CEP112: variants seen among roughly 807,000 people sequenced by gnomAD.
CEP112 encodes centrosomal protein of 112 kDa.
Under a neutral mutation model 153.0 loss-of-function variants are expected in CEP112, and 127 were observed. The observed-to-expected ratio is 0.83, with a 90% CI of 0.72 to 0.96. CEP112 has a LOEUF of 0.96. Ranked by LOEUF, CEP112 falls within the 40% of genes least tolerant of loss-of-function variation. The probability of loss-of-function intolerance (pLI) is 0.00; values close to 1 mark genes in which losing one functional copy is unlikely to be tolerated. For missense variants in CEP112, 1,089 were observed against 1,101.2 expected, an observed-to-expected ratio of 0.99 and a Z score of 0.16; for synonymous variants, 358 against 374.4, an observed-to-expected ratio of 0.96 and a Z score of 0.51.
intron 23 of CEP112, among the ~76,000 whole-genome samples, chr17:65,694,333 A>G (rs1030450460): frequency 6.6e-6 from 1 of 152,190 alleles, no homozygotes; most frequent in Non-Finnish European, 1.5e-5. Flanking sequence ...TAGCCAAAAG[A>G]AAGTTCCAAA....
chr17:65,941,566 C>T (rs1204128742), intron 18 of CEP112: 1 of 152,130 alleles, frequency 6.6e-6, no homozygotes, highest in Admixed American at 6.5e-5. Context: ...CATAGATACA[C>T]AACATTCTGC....
chr17:65,863,615 C>T (rs1229509905), intron 20 of CEP112, among the ~76,000 whole-genome samples: 4 of 150,470 alleles, frequency 2.7e-5, no homozygotes, highest in African/African-American at 7.3e-5. Flanking sequence ...AAAAATTAGC[C>T]GGGTGCAGTG....
intron 2 of CEP112, among the ~76,000 whole-genome samples, chr17:66,178,277 C>A (rs1443188071): frequency 6.6e-6 from 1 of 152,174 alleles, no homozygotes; most frequent in Non-Finnish European, 1.5e-5. Context: ...GAAATAATAT[C>A]TCACTGCAGT....
chr17:66,098,934 G>C (rs966462841), intron 6 of CEP112, among the ~76,000 whole-genome samples: 1 of 152,296 alleles, frequency 6.6e-6, no homozygotes, highest in East Asian at 1.9e-4. Flanking sequence ...CCTAGTAGTG[G>C]TGGAACTAAA....
At chr17:65,867,707 G>T (rs2058530791) in intron 20 of CEP112, among the ~76,000 whole-genome samples, 2 of 151,862 alleles carry the variant, frequency 1.3e-5, no homozygotes, top group Admixed American at 6.6e-5. Flanking sequence ...TAAATAATAA[G>T]GAGTTTATTA....
chr17:66,155,112 T>A (rs367988753), intron 4 of CEP112, among the ~76,000 whole-genome samples: 1 of 151,992 alleles, frequency 6.6e-6, no homozygotes, highest in Non-Finnish European at 1.5e-5. Context: ...CAGGGCCAAA[T>A]AGAAACAGCT....
At chr17:66,080,529 T>C (rs2067674873) in intron 8 of CEP112, among the ~76,000 whole-genome samples, 1 of 152,184 alleles carries the variant, frequency 6.6e-6, no homozygotes, top group Non-Finnish European at 1.5e-5. Context: ...GCTGGGAGGA[T>C]GTGGAGAAAT....
chr17:65,869,837 G>C (rs1489021873), intron 20 of CEP112, among the ~76,000 whole-genome samples: 3 of 151,776 alleles, frequency 2.0e-5, no homozygotes, highest in Admixed American at 1.3e-4. Flanking sequence ...CACCCGCCTA[G>C]GTCTCCCAAA....
At chr17:66,139,549 A>G (rs530475543) in intron 4 of CEP112, among the ~76,000 whole-genome samples, 70 of 152,298 alleles carry the variant, frequency 4.6e-4, no homozygotes, top group Non-Finnish European at 8.1e-4. Flanking sequence ...TCAAGGCGGC[A>G]GTGAGCAGTG....
intron 18 of CEP112, 55 bp from the exon 19 acceptor site, chr17:65,927,744 GT>G (rs1353889612): frequency 1.7e-5 from 19 of 1,131,904 alleles, no homozygotes; most frequent in Non-Finnish European, 2.3e-5. Context: ...TGTGTTCCAT[GT>G]TTTTGTAATT....
chr17:66,137,215 G>A (rs1269949912), intron 4 of CEP112, among the ~76,000 whole-genome samples: 1 of 151,938 alleles, frequency 6.6e-6, no homozygotes, highest in Non-Finnish European at 1.5e-5. Flanking sequence ...TAACTAAAGG[G>A]GCTCAACAGC....
At chr17:65,885,475 T>C (rs182170294) in intron 20 of CEP112, among the ~76,000 whole-genome samples, 5 of 152,348 alleles carry the variant, frequency 3.3e-5, no homozygotes, top group East Asian at 3.9e-4. Flanking sequence ...TTTAAAGTTA[T>C]GTTGTTTTCC....
chr17:65,948,602 A>G (rs965644438), intron 18 of CEP112, among the ~76,000 whole-genome samples: 2 of 151,770 alleles, frequency 1.3e-5, no homozygotes, highest in African/African-American at 4.8e-5. Context: ...ACATACATAG[A>G]AATAATTCTA....
chr17:65,971,479 G>GCA (rs1555740453), intron 17 of CEP112, among the ~76,000 whole-genome samples: 7 of 149,944 alleles, frequency 4.7e-5, no homozygotes, highest in Non-Finnish European at 1.0e-4. Context: ...TATCATGCAT[G>GCA]TATGACATGA....
At chr17:65,724,036 G>C (rs1326550839) in intron 23 of CEP112, among the ~76,000 whole-genome samples, 1 of 150,238 alleles carries the variant, frequency 6.7e-6, no homozygotes, top group East Asian at 1.9e-4. Flanking sequence ...AAAGCTGAAG[G>C]GTTCTGCTTC....
At chr17:66,102,809 A>G (rs917290002) in intron 6 of CEP112, among the ~76,000 whole-genome samples, 10 of 151,812 alleles carry the variant, frequency 6.6e-5, no homozygotes, top group Non-Finnish European at 1.0e-4. Context: ...AAAAAAAAAA[A>G]AAAGAATTAA....
intron 6 of CEP112, among the ~76,000 whole-genome samples, chr17:66,114,928 G>C (rs1402699714): frequency 6.6e-6 from 1 of 151,992 alleles, no homozygotes; most frequent in East Asian, 1.9e-4. Context: ...TGCCTGGCCA[G>C]GCGCAGTGGC....
intron 8 of CEP112, among the ~76,000 whole-genome samples, chr17:66,079,004 G>T (rs12325979): frequency 6.6e-6 from 1 of 152,164 alleles, no homozygotes; most frequent in Admixed American, 6.6e-5. Context: ...AGGGGCCAAC[G>T]AACATATGAA....
chr17:65,696,197 ATG>A (rs1280068766), intron 23 of CEP112, among the ~76,000 whole-genome samples: 1 of 152,158 alleles, frequency 6.6e-6, no homozygotes, highest in Non-Finnish European at 1.5e-5. Flanking sequence ...TTGAAATTTA[ATG>A]TGTTTGACAC....
Sources: gnomAD v4.1 joint callset for allele counts (sites outside exome capture counted in the v4.1 genomes callset) on GRCh38, gnomAD v4.1.1 for gene constraint, MANE v1.5 for transcripts, NCBI Gene and HGNC (gene_info 2026-07-23, HGNC 2026-07-21) for gene names.